PIGN: variants seen among roughly 807,000 people sequenced by gnomAD.
The protein encoded by PIGN is phosphatidylinositol glycan anchor biosynthesis class N, also known as GPI ethanolamine phosphate transferase 1.
PIGN carries 117 observed loss-of-function variants against 125.4 expected under a neutral mutation model. The ratio of observed to expected loss-of-function variants is 0.93; its 90% CI spans 0.80 to 1.09. PIGN has a LOEUF of 1.09. PIGN is among the 50% of genes least tolerant of loss of function. PIGN has a pLI of 0.00. For missense variants in PIGN, 1,075 were observed against 1,094.9 expected (o/e 0.98, Z 0.26); for synonymous variants, 392 against 377.8 (o/e 1.04, Z -0.44).
chr18:62,162,189 A>C (rs549540329), intron 3 of PIGN, 64 bp downstream of exon 3: 1 of 152,316 alleles, frequency 6.6e-6, no homozygotes, highest in South Asian at 2.1e-4. Context: ...ATGAACTTAC[A>C]AATACTTAAG....
At position 62,140,435 on chromosome 18, in the gene PIGN, A is replaced by G; in HGVS notation, c.1008T>C (p.Phe336=). 1 of 1,529,066 alleles carries G rather than the reference A, an allele frequency of 6.5e-7. No homozygotes were observed. The highest frequency in any genetic ancestry group is 9.0e-7 in the Non-Finnish European group (1 of 1,115,686). The allele number at this position is 1,529,066 out of a possible 1,614,324, so 94.7% of individuals were successfully genotyped here. A position where few individuals can be genotyped will look rare whatever the true frequency, so the allele number is the denominator to read the frequency against. The change falls in exon 12 of 31, where the codon TTT becomes TTC. Residue 336 remains phenylalanine (F), a synonymous_variant. Coordinates refer to ENST00000640252, the MANE Select transcript of PIGN (RefSeq NM_176787.5). The stretch of plus-strand genomic sequence containing the variant: ...TATTCCTTACCACTGAGTTAAGAGG[A>G]AAGGGAACTCCAATAAGGGAAGTCA... ...PLMTSLIGVP[F]PLNSVGILPV...
At chr18:62,165,017 C>A (rs2037081109) in intron 1 of PIGN, among the ~76,000 whole-genome samples, 1 of 152,146 alleles carries the variant, frequency 6.6e-6, no homozygotes, top group South Asian at 2.1e-4. Context: ...CCCATTGTGG[C>A]TGTGATGGGA....
rs763671604 is a variant in PIGN at position 62,102,893 on chromosome 18, T to C, written c.1869A>G (p.Ala623=). ...RKPDISLVMG[A]GLLVLLLSLC... ...GGGATAACAGAAGAACCAGCAAGCC[T>C]GCACCCATCCTGTTTTGAAATACAA... Residue 623 remains alanine, a synonymous_variant, in exon 21 of 31, where the codon GCA becomes GCG. Transcript: ENST00000640252. The C allele has an allele frequency of 1.0e-5, 16 of 1,561,228 alleles. No homozygotes were observed. Among genetic ancestry groups the C allele is most frequent in the Non-Finnish European group, 1.4e-5 (16 of 1,151,968 alleles).
At chr18:62,073,170 G>GGTGTGT (rs34182707) in intron 29 of PIGN, among the ~76,000 whole-genome samples, 2,017 of 145,450 alleles carry the variant, frequency 0.014, 30 homozygotes, top group South Asian at 0.044. Flanking sequence ...AATTATCAGG[G>GGTGTGT]GTGTGTGTGT....
At chr18:62,058,450 T>C (rs1452266183) in intron 30 of PIGN, among the ~76,000 whole-genome samples, 2 of 152,232 alleles carry the variant, frequency 1.3e-5, no homozygotes, top group African/African-American at 2.4e-5. Context: ...AACAGAAGTC[T>C]GACACTATGG....
At chr18:62,141,359 A>G (rs1244977970) in intron 11 of PIGN, among the ~76,000 whole-genome samples, 1 of 152,236 alleles carries the variant, frequency 6.6e-6, no homozygotes, top group African/African-American at 2.4e-5. Context: ...TGATAATGGT[A>G]GCTACAATTG....
chr18:62,178,066 C>A (rs1376736427), intron 1 of PIGN, among the ~76,000 whole-genome samples: 1 of 152,082 alleles, frequency 6.6e-6, no homozygotes, highest in African/African-American at 2.4e-5. Context: ...CTACATTGGT[C>A]ACTCAGGAAA....
chr18:62,176,278 C>G (rs2037522900), intron 1 of PIGN, among the ~76,000 whole-genome samples: 1 of 151,688 alleles, frequency 6.6e-6, no homozygotes. Context: ...AGAATAATTT[C>G]AATTAATTCA....
At chr18:62,153,035 C>A (rs1481364405) in intron 7 of PIGN, among the ~76,000 whole-genome samples, 1 of 150,846 alleles carries the variant, frequency 6.6e-6, no homozygotes, top group African/African-American at 2.5e-5. Flanking sequence ...CCCAGGCAGT[C>A]CTCCTGCCAC....
intron 23 of PIGN, among the ~76,000 whole-genome samples, chr18:62,028,690 G>T (rs2030157115): frequency 6.6e-6 from 1 of 152,218 alleles, no homozygotes; most frequent in Non-Finnish European, 1.5e-5. Context: ...AGTCGCAGGA[G>T]TTTTCTCGAA....
intron 12 of PIGN, among the ~76,000 whole-genome samples, chr18:62,139,465 G>A (rs1221486138): frequency 1.3e-5 from 2 of 152,188 alleles, no homozygotes; most frequent in Non-Finnish European, 2.9e-5. Flanking sequence ...GGACTATTCT[G>A]TTAAACTTTT....
chr18:62,043,152 G>A lies in PIGN; in HGVS notation c.*2704C>T, dbSNP rs17706724. On this transcript the variant is annotated 3_prime_UTR_variant, in exon 31 of 31. Coordinates refer to ENST00000640252, the MANE Select transcript of PIGN (RefSeq NM_176787.5). ...AGTTCTCAGAACTGGTCTGAAGGGG[G>A]TCTTCTCCAAATGACAGAGTTGATT... The A allele has an allele frequency of 6.6e-6, 1 of 152,012 alleles. No individual in the cohort carries two copies. Among genetic ancestry groups the A allele is most frequent in the African/African-American group, 2.4e-5 (1 of 41,396 alleles). The allele number at this position is 152,012 out of a possible 1,614,324, so 9.4% of individuals were successfully genotyped here.
chr18:62,159,100 C>A (rs1317150627), intron 4 of PIGN, among the ~76,000 whole-genome samples: 2 of 152,040 alleles, frequency 1.3e-5, no homozygotes, highest in African/African-American at 4.8e-5. Flanking sequence ...AAAAATTAGC[C>A]GGGCGTGGTG....
intron 20 of PIGN, among the ~76,000 whole-genome samples, chr18:62,104,298 T>C (rs531480552): frequency 6.6e-6 from 1 of 152,198 alleles, no homozygotes; most frequent in Non-Finnish European, 1.5e-5. Flanking sequence ...ATTTATACAA[T>C]TTCCTTCCCT....
intron 2 of PIGN, 70 bp downstream of exon 2, chr18:62,163,461 G>A (rs140665537): frequency 1.3e-5 from 2 of 152,102 alleles, no homozygotes; most frequent in Non-Finnish European, 2.9e-5. Context: ...GCATTTTGTT[G>A]GGTCAACTAC....
intron 9 of PIGN, 139 bp from the exon 10 acceptor site, chr18:62,146,164 C>T (rs1241660612): frequency 4.9e-6 from 2 of 408,258 alleles, no homozygotes; most frequent in Non-Finnish European, 8.8e-6. Context: ...ATGGTTACAA[C>T]CTTTTATGGC....
intron 30 of PIGN, among the ~76,000 whole-genome samples, chr18:62,065,346 A>C (rs769631761): frequency 1.3e-5 from 2 of 152,220 alleles, no homozygotes; most frequent in Non-Finnish European, 2.9e-5. Flanking sequence ...CAAAACAGGG[A>C]AAAGAGTGCT....
intron 28 of PIGN, among the ~76,000 whole-genome samples, chr18:62,077,412 A>C (rs567602517): frequency 9.9e-5 from 15 of 152,054 alleles, no homozygotes; most frequent in African/African-American, 3.6e-4. Context: ...CCTTTAAAAA[A>C]CCTTTACATA....
At chr18:62,178,406 C>T (rs945814819) in intron 1 of PIGN, among the ~76,000 whole-genome samples, 1 of 151,776 alleles carries the variant, frequency 6.6e-6, no homozygotes, top group African/African-American at 2.4e-5. Context: ...CTGCCATTTT[C>T]GGTAATGTCA....
Sources: allele counts gnomAD v4.1 joint callset (sites outside exome capture counted in the v4.1 genomes callset), GRCh38; gene constraint gnomAD v4.1.1; transcripts MANE v1.5; gene names NCBI Gene and HGNC (gene_info 2026-07-23, HGNC 2026-07-21).